Variants in ABHD1 observed in about 807,000 individuals in gnomAD.
The protein encoded by ABHD1 is abhydrolase domain containing 1, also known as protein ABHD1.
A neutral mutation model predicts 41.4 loss-of-function variants in ABHD1; 47 were observed. The observed-to-expected ratio is 1.13, with a 90% CI of 0.90 to 1.45. The LOEUF (loss-of-function observed/expected upper bound fraction) is 1.45, where lower values mean the gene tolerates loss of function less well. Among genes scored for constraint, ABHD1 ranks in the 40% most tolerant of loss-of-function variants. ABHD1 has a pLI of 0.00. For synonymous variants in ABHD1, 205 were observed against 203.7 expected (o/e 1.01, Z -0.05); for missense variants, 550 against 503.4 (o/e 1.09, Z -0.89).
intron 5 of ABHD1, 52 bp from the exon 6 acceptor site, chr2:27,129,689 CTTCCTCTGTCCCA>C: frequency 6.2e-7 from 1 of 1,610,020 alleles, no homozygotes; most frequent in African/African-American, 1.3e-5. Flanking sequence ...TCCATGTCCC[CTTCCTCTGTCCCA>C]ACCCACATTA....
intron 8 of ABHD1, 57 bp downstream of exon 8, chr2:27,130,473 C>A: frequency 6.2e-7 from 1 of 1,611,824 alleles, no homozygotes; most frequent in Non-Finnish European, 8.5e-7. Context: ...ATGAGGGACG[C>A]AACAGACAGC....
At chr2:27,127,145 T>C (rs1671991149) in intron 1 of ABHD1, among the ~76,000 whole-genome samples, 1 of 148,960 alleles carries the variant, frequency 6.7e-6, no homozygotes, top group Non-Finnish European at 1.5e-5. Flanking sequence ...GCAAGAACAT[T>C]AGAGAATAGG....
At chr2:27,124,341 G>T in intron 1 of ABHD1, 1 of 529,334 alleles carries the variant, frequency 1.9e-6, no homozygotes. Context: ...AGGTATCAGA[G>T]ATGTGCACAC....
rs188250496 is a variant in ABHD1, at chr2:27,130,589, C to T, written c.1063C>T (p.Arg355Trp). 7.4e-6 allele frequency: 12 copies of T among 1,614,166 alleles called. No individual in the cohort carries two copies. In the Admixed American group the frequency reaches 8.3e-5, roughly 11 times the overall value. ...SPYVALLITA[R>W]GGHIGFLEGL... ...CTACGTTGCGCTGCTCATCACAGCC[C>T]GGGGTGGCCACATCGGCTTCCTGGA... The change falls in exon 9 of 9, where the codon CGG (arginine) becomes TGG (tryptophan). Residue 355 changes from arginine to tryptophan, a missense_variant. Physicochemically the swap from Arg to Trp is moderately radical, Grantham distance 101. Transcript: ENST00000316470.
chr2:27,129,860 G>A lies in ABHD1; in HGVS notation c.724G>A (p.Glu242Lys). The part of the protein sequence containing the change: ...WDSFETTRSL[E>K]TPLNSLLFNQ... ...TTCCTTTGAGACCACTCGCTCCCTG[G>A]AAACCCCACTCAACTCACTGCTCTT... The change falls in exon 6 of 9, where the codon GAA (glutamate) becomes AAA (lysine). Residue 242 changes from glutamate to lysine, a missense_variant. Glu to Lys is a moderately conservative substitution (Grantham distance 56, BLOSUM62 1). Coordinates refer to ENST00000316470, the MANE Select transcript of ABHD1 (RefSeq NM_032604.4). 6.2e-7 allele frequency: 1 copy of A among 1,614,118 alleles called. No individual in the cohort carries two copies.
Position 27,129,365 on chromosome 2 carries a change from A to G in ABHD1, c.504+4A>G. The stretch of plus-strand genomic sequence containing the variant: ...CTGCCGTGGGGAGGAACTGCGGGTG[A>G]GTAGCTGCCTTCCTCATAGCAGCCC... On this transcript the variant is annotated splice_donor_region_variant and intron_variant, in intron 4 of 8. Transcript: ENST00000316470. 6.2e-7 allele frequency: 1 copy of G among 1,614,136 alleles called. No homozygotes were observed. Among genetic ancestry groups the G allele is most frequent in the Non-Finnish European group, 8.5e-7 (1 of 1,180,006 alleles).
At position 27,129,527 on chromosome 2, in the gene ABHD1, T is replaced by C; in HGVS notation, c.518T>C (p.Phe173Ser). The change falls in exon 5 of 9, where the codon TTT becomes TCT. Residue 173 changes from phenylalanine to serine, a missense_variant. By Grantham distance (155) the Phe-to-Ser change is radical (BLOSUM62 -2). Transcript: ENST00000316470. Reference sequence around the variant, plus strand: ...GTTTGCCCTCAGACCCACAGGGCTTTTTGTGCCAGCAATACTGAAGATCTA... The same window carrying C: ...GTTTGCCCTCAGACCCACAGGGCTTCTTGTGCCAGCAATACTGAAGATCTA... ...RGEELRTHRAFCASNTEDLET... is the reference protein window; with the variant it reads ...RGEELRTHRASCASNTEDLET... 6.2e-7 allele frequency: 1 copy of C among 1,614,188 alleles called. No individual in the cohort carries two copies. Among genetic ancestry groups the C allele is most frequent in the Non-Finnish European group, 8.5e-7 (1 of 1,180,046 alleles).
chr2:27,128,843 G>C (rs527978034), intron 2 of ABHD1, 102 bp from the exon 3 acceptor site: 2 of 1,376,738 alleles, frequency 1.5e-6, no homozygotes, highest in Non-Finnish European at 2.0e-6. Flanking sequence ...TGATGCTGAC[G>C]GGAAGTGATA....
intron 1 of ABHD1, chr2:27,127,094 A>T (rs1671988529): frequency 6.6e-6 from 1 of 151,828 alleles, no homozygotes; most frequent in Non-Finnish European, 1.5e-5. Context: ...AGCCTGGGCG[A>T]CAGAGTGAAA....
At chr2:27,129,419 C>G (rs1672125070) in intron 4 of ABHD1, 58 bp downstream of exon 4, 7 of 1,612,644 alleles carry the variant, frequency 4.3e-6, no homozygotes, top group Non-Finnish European at 5.9e-6. Flanking sequence ...AGATCCTTGG[C>G]CCTGGGGCTC....
chr2:27,127,454 T>C (rs1672009744), intron 1 of ABHD1, among the ~76,000 whole-genome samples: 1 of 135,874 alleles, frequency 7.4e-6, no homozygotes, highest in Non-Finnish European at 1.5e-5. Flanking sequence ...CTTGGGAGGC[T>C]GAGGCAGGAG....
intron 1 of ABHD1, chr2:27,126,201 C>G (rs1307669130): frequency 2.0e-5 from 3 of 152,360 alleles, no homozygotes; most frequent in Admixed American, 1.3e-4. Context: ...ACAAATCTTA[C>G]CTACAAGTAC....
intron 1 of ABHD1, chr2:27,124,832 A>G (rs1332076950): frequency 1.3e-5 from 2 of 154,454 alleles, no homozygotes; most frequent in Non-Finnish European, 2.9e-5. Flanking sequence ...ACATTAGCAT[A>G]TATTGTTTAC....
chr2:27,127,568 A>G (rs1164018151), intron 1 of ABHD1, among the ~76,000 whole-genome samples: 4 of 44,456 alleles, frequency 9.0e-5, no homozygotes, highest in Non-Finnish European at 1.2e-4. Context: ...AAAAAAAAAA[A>G]AAAGAAAAAA....
intron 1 of ABHD1, among the ~76,000 whole-genome samples, chr2:27,127,605 A>G (rs1672024535): frequency 6.9e-6 from 1 of 145,388 alleles, no homozygotes; most frequent in African/African-American, 2.5e-5. Context: ...CTCTATCACC[A>G]GGCTGGAGTG....
At chr2:27,127,617 A>G (rs1472749860) in intron 1 of ABHD1, among the ~76,000 whole-genome samples, 1 of 147,348 alleles carries the variant, frequency 6.8e-6, no homozygotes, top group Non-Finnish European at 1.5e-5. Flanking sequence ...GCTGGAGTGC[A>G]GTGGCACAAC....
rs1466678507 is a variant in ABHD1 at position 27,130,288 on chromosome 2, C to T, written c.878C>T (p.Ser293Phe). 2 of 1,614,160 alleles carry T rather than the reference C, an allele frequency of 1.2e-6. No individual in the cohort carries two copies. Among genetic ancestry groups the T allele is most frequent in the Admixed American group, 1.7e-5 (1 of 60,022 alleles). The change falls in exon 8 of 9, where the codon TCT becomes TTT. Residue 293 changes from serine (S) to phenylalanine (F), a missense_variant. Physicochemically the swap from Ser to Phe is radical, Grantham distance 155. Coordinates refer to ENST00000316470, the MANE Select transcript of ABHD1 (RefSeq NM_032604.4). ...CGCCAGTTTGATGAGCGCTACACAT[C>T]TGTGGCCTTTGGATATCAAGACTGT... ...TIRQFDERYT[S>F]VAFGYQDCVT...
chr2:27,127,709 T>TC (rs1006706832), intron 1 of ABHD1, among the ~76,000 whole-genome samples: 1 of 150,690 alleles, frequency 6.6e-6, no homozygotes, highest in African/African-American at 2.4e-5. Flanking sequence ...CTACAGGTGC[T>TC]CACCACCATG....
rs1486753031 is a variant in ABHD1 at position 27,129,045 on chromosome 2, C to T, written c.376C>T (p.Leu126=). The T allele has an allele frequency of 6.2e-7, 1 of 1,614,194 alleles. No homozygotes were observed. The highest frequency in any genetic ancestry group is 1.7e-5 in the Admixed American group (1 of 60,018). ...DPDPTTQPIV[L]LLPGITGSSQ... The stretch of plus-strand genomic sequence containing the variant: ...TGATCCTACTACCCAGCCCATTGTG[C>T]TGCTGCTTCCTGGCATCACTGGCAG... Residue 126 remains leucine, a synonymous_variant, in exon 3 of 9, where the codon CTG becomes TTG. Transcript: ENST00000316470.
Sources: gnomAD v4.1 joint callset for allele counts (sites outside exome capture counted in the v4.1 genomes callset) on GRCh38, gnomAD v4.1.1 for gene constraint, MANE v1.5 for transcripts, NCBI Gene and HGNC (gene_info 2026-07-23, HGNC 2026-07-21) for gene names.